Variants in HERC1 observed in about 807,000 individuals in gnomAD.
The protein encoded by HERC1 is HECT and RLD domain containing E3 ubiquitin protein ligase family member 1.
A neutral mutation model predicts 554.3 loss-of-function variants in HERC1; 160 were observed. That is an observed-to-expected ratio of 0.29 (90% CI 0.25 to 0.33). The LOEUF (loss-of-function observed/expected upper bound fraction) is 0.33. HERC1 is among the 10% of genes least tolerant of loss of function. The probability of loss-of-function intolerance (pLI) is 1.00; values close to 1 mark genes in which losing one functional copy is unlikely to be tolerated. For synonymous variants in HERC1, 2,175 were observed against 2,131.7 expected (o/e 1.02, Z -0.56); for missense variants, 4,919 against 5,918.5 (o/e 0.83, Z 5.54).
At chr15:63,753,464 A>T (rs1356096659) in intron 7 of HERC1, among the ~76,000 whole-genome samples, 4 of 152,226 alleles carry the variant, frequency 2.6e-5, no homozygotes, top group African/African-American at 7.2e-5. Context: ...AAGAATGTAT[A>T]TGCATATAAT....
chr15:63,612,630 G>A lies in HERC1; in HGVS notation c.14095-74C>T, dbSNP rs774973916. 6.0e-5 allele frequency: 87 copies of A among 1,456,668 alleles called. No homozygotes were observed. The highest frequency in any genetic ancestry group is 8.0e-5 in the Non-Finnish European group (86 of 1,069,512). 90.2% of individuals were successfully genotyped at this position (1,456,668 alleles called of 1,614,324 possible). On this transcript the variant is annotated intron_variant, in intron 76 of 77. Coordinates refer to ENST00000443617, the MANE Select transcript of HERC1 (RefSeq NM_003922.4). This position sits in a 1 kb window ranked among gnomAD's most constrained non-coding sequence, Gnocchi z 5.0. ...ACCCACCAAGGGCCCTGTGGGGCTA[G>A]GCGCCTCCTGATGCCTGCTCGTCCG...
chr15:63,673,607 T>G (rs1297447171), intron 38 of HERC1, among the ~76,000 whole-genome samples: 1 of 130,904 alleles, frequency 7.6e-6, no homozygotes, highest in Non-Finnish European at 1.6e-5. Flanking sequence ...TCTCCCCAAA[T>G]GTGAGGATAC....
chr15:63,794,692 G>A (rs1375024201), intron 1 of HERC1, among the ~76,000 whole-genome samples: 1 of 151,754 alleles, frequency 6.6e-6, no homozygotes, highest in Non-Finnish European at 1.5e-5. Flanking sequence ...ATTACAACTG[G>A]GACTCTAGCA....
At chr15:63,736,311 A>G (rs2074502102) in intron 12 of HERC1, among the ~76,000 whole-genome samples, 1 of 152,218 alleles carries the variant, frequency 6.6e-6, no homozygotes. Flanking sequence ...AGGCAGGAAT[A>G]CCAAACTAAA....
intron 1 of HERC1, among the ~76,000 whole-genome samples, chr15:63,797,081 T>G (rs1192449299): frequency 1.3e-5 from 2 of 152,204 alleles, no homozygotes; most frequent in African/African-American, 4.8e-5. Flanking sequence ...TTATTTTTAG[T>G]TTACAAGACC....
Position 63,694,817 on chromosome 15 carries a change from A to C in HERC1, c.5199T>G (p.Ser1733=). ...VAVHKIYQQL[S]ATLERALQAN... ...CTTGCAGGGCTCTTTCCAGGGTAGC[A>C]GACAACTGTTGATAAATTTTATGCA... The change falls in exon 28 of 78, where the codon TCT becomes TCG. Residue 1733 remains serine, a synonymous_variant. Coordinates refer to ENST00000443617, the MANE Select transcript of HERC1 (RefSeq NM_003922.4). The surrounding 1 kb of genome is among the most constrained non-coding windows in gnomAD (Gnocchi z 4.3). 5.6e-6 allele frequency: 9 copies of C among 1,613,944 alleles called. No homozygotes were observed. The highest frequency in any genetic ancestry group is 7.6e-6 in the Non-Finnish European group (9 of 1,179,842).
chr15:63,713,577 TC>T lies in HERC1; in HGVS notation c.4238del (p.Arg1413GlnfsTer33). ...RMNSGAGSGA[R>X]ADDPPPQSQQ... is the part of the protein sequence containing the mutation. The stretch of plus-strand genomic sequence containing the variant: ...GAGACTGAGGAGGTGGATCATCAGC[TC>T]GAGCCCCAGACCCTGCCCCACTGTT... On this transcript the variant is annotated frameshift_variant, in exon 23 of 78. Transcript: ENST00000443617. LOFTEE classifies it high-confidence loss of function. The T allele has an allele frequency of 3.1e-6, 5 of 1,613,854 alleles. No homozygotes were observed. Among genetic ancestry groups the T allele is most frequent in the Non-Finnish European group, 4.2e-6 (5 of 1,179,852 alleles).
Position 63,645,005 on chromosome 15 carries a change from T to A in HERC1, c.11171A>T (p.Glu3724Val), listed in dbSNP as rs769271394. ...CCAGAATGTTACCTGGCAATTTGATTCCTGCTCCCACCATCCTTCTGCACT... is the reference window on the plus strand; with the variant it reads ...CCAGAATGTTACCTGGCAATTTGATACCTGCTCCCACCATCCTTCTGCACT... ...VTSAEGWWEQ[E>V]SNCQDGYRKS... is the part of the protein sequence containing the mutation. Residue 3724 changes from glutamate to valine, a missense_variant, in exon 57 of 78, where the codon GAA becomes GTA. Coordinates refer to ENST00000443617, the MANE Select transcript of HERC1 (RefSeq NM_003922.4). The A allele has an allele frequency of 6.2e-7, 1 of 1,611,436 alleles. No homozygotes were observed. The highest frequency in any genetic ancestry group is 1.1e-5 in the South Asian group (1 of 91,046).
intron 25 of HERC1, among the ~76,000 whole-genome samples, chr15:63,700,643 A>G (rs565211985): frequency 6.6e-6 from 1 of 151,344 alleles, no homozygotes; most frequent in Non-Finnish European, 1.5e-5. Context: ...AGAATTATTA[A>G]GATTTAAAAA....
intron 65 of HERC1, 79 bp from the exon 66 acceptor site, chr15:63,634,967 A>G (rs952429649): frequency 1.0e-6 from 1 of 1,002,234 alleles, no homozygotes; most frequent in Non-Finnish European, 1.5e-6. Context: ...TTTGGTATTA[A>G]TATAGCAATA....
intron 2 of HERC1, among the ~76,000 whole-genome samples, chr15:63,764,962 C>T (rs934503550): frequency 6.6e-6 from 1 of 152,136 alleles, no homozygotes; most frequent in African/African-American, 2.4e-5. Flanking sequence ...GGCTGGAATT[C>T]AGTGGCAAAG....
At position 63,713,465 on chromosome 15, in the gene HERC1, G is replaced by A. The variant is rs1001311068; in HGVS notation, c.4351C>T (p.Leu1451=). 9.3e-6 allele frequency: 15 copies of A among 1,613,934 alleles called. No homozygotes were observed. The highest frequency in any genetic ancestry group is 1.3e-5 in the Non-Finnish European group (15 of 1,179,876). ...ACAGGACTTACTCCTAATATTAACAGGGCACACCGATGGATCACGGAGTTG... is the reference window on the plus strand; with the variant it reads ...ACAGGACTTACTCCTAATATTAACAAGGCACACCGATGGATCACGGAGTTG... The part of the protein sequence containing the change: ...ACNSVIHRCA[L]LILGVSPVID... The change falls in exon 23 of 78, where the codon CTG becomes TTG. Residue 1451 remains leucine (L), a synonymous_variant. Transcript: ENST00000443617.
At chr15:63,798,258 T>C (rs1283606149) in intron 1 of HERC1, among the ~76,000 whole-genome samples, 1 of 152,194 alleles carries the variant, frequency 6.6e-6, no homozygotes, top group Non-Finnish European at 1.5e-5. Flanking sequence ...TCCATCTTTC[T>C]ACAAACCAAA....
intron 25 of HERC1, among the ~76,000 whole-genome samples, chr15:63,703,702 T>C (rs1160540072): frequency 6.6e-6 from 1 of 151,960 alleles, no homozygotes; most frequent in Admixed American, 6.6e-5. Flanking sequence ...CTGAGCAACA[T>C]GGCGAAACCC....
chr15:63,700,746 T>C (rs1200409604), intron 25 of HERC1, among the ~76,000 whole-genome samples: 1 of 149,908 alleles, frequency 6.7e-6, no homozygotes, highest in Non-Finnish European at 1.5e-5. Flanking sequence ...ATTTTCATTC[T>C]TGCTGAACAT....
intron 24 of HERC1, among the ~76,000 whole-genome samples, chr15:63,711,620 A>G (rs575078672): frequency 1.3e-5 from 2 of 152,328 alleles, no homozygotes; most frequent in Admixed American, 1.3e-4. Context: ...ATACTTTTTC[A>G]AAAATATTTT....
At chr15:63,813,962 G>A (rs1420045006) in intron 1 of HERC1, among the ~76,000 whole-genome samples, 1 of 152,110 alleles carries the variant, frequency 6.6e-6, no homozygotes, top group African/African-American at 2.4e-5. Context: ...GGGAGGCTGA[G>A]GCAGGAGAAT....
chr15:63,712,393 G>A (rs192967499), intron 24 of HERC1, among the ~76,000 whole-genome samples: 2 of 152,328 alleles, frequency 1.3e-5, no homozygotes, highest in African/African-American at 4.8e-5. Flanking sequence ...AGAAAAAAGA[G>A]TCAAGGATGA....
chr15:63,675,281 A>C, intron 37 of HERC1, 164 bp from the exon 38 acceptor site: 1 of 545,106 alleles, frequency 1.8e-6, no homozygotes, highest in Non-Finnish European at 3.1e-6. Flanking sequence ...AAACGAGTCT[A>C]TTATGAGAAA....
Sources: gnomAD v4.1 joint callset for allele counts (sites outside exome capture counted in the v4.1 genomes callset) on GRCh38, gnomAD v4.1.1 for gene constraint, Gnocchi (gnomAD v3.1) non-coding constraint, MANE v1.5 for transcripts, NCBI Gene and HGNC (gene_info 2026-07-23, HGNC 2026-07-21) for gene names.